OR3A2: variants seen among roughly 807,000 people sequenced by gnomAD.
OR3A2 encodes the protein olfactory receptor 3A2.
For missense variants in OR3A2, 318 were observed against 392.8 expected (o/e 0.81, Z 1.61); for synonymous variants, 126 against 159.3 (o/e 0.79, Z 1.57).
intron 3 of OR3A2, chr17:3,310,552 T>C (rs976736632): frequency 3.7e-6 from 2 of 536,202 alleles, no homozygotes; most frequent in Non-Finnish European, 7.7e-6. Flanking sequence ...AGTGTCACTG[T>C]CCCTGCCATG....
intron 1 of OR3A2, among the ~76,000 whole-genome samples, chr17:3,279,427 C>G (rs2048764227): frequency 6.6e-6 from 1 of 152,204 alleles, no homozygotes; most frequent in African/African-American, 2.4e-5. Flanking sequence ...TTTCCTATTG[C>G]TCTCTGAGGG....
At chr17:3,291,489 A>C (rs2048866145) in intron 3 of OR3A2, 1 of 619,370 alleles carries the variant, frequency 1.6e-6, no homozygotes, top group Admixed American at 3.0e-5. Flanking sequence ...CTGCTTTCAG[A>C]AATGAAAACT....
intron 2 of OR3A2, among the ~76,000 whole-genome samples, chr17:3,372,229 G>A (rs1006747147): frequency 1.5e-4 from 23 of 149,314 alleles, no homozygotes; most frequent in African/African-American, 4.5e-4. Flanking sequence ...GACGATGGGC[G>A]GCCGGGCAGA....
At chr17:3,372,268 C>A (rs1331216556) in intron 2 of OR3A2, among the ~76,000 whole-genome samples, 2 of 148,746 alleles carry the variant, frequency 1.3e-5, no homozygotes, top group East Asian at 2.2e-4. Context: ...GATGGGATGG[C>A]GGCCGGGAAG....
At chr17:3,313,928 T>C (rs2049061857) in intron 3 of OR3A2, among the ~76,000 whole-genome samples, 1 of 152,208 alleles carries the variant, frequency 6.6e-6, no homozygotes, top group Admixed American at 6.5e-5. Flanking sequence ...GTCTTCCACA[T>C]AGGAAGTCAG....
intron 3 of OR3A2, among the ~76,000 whole-genome samples, chr17:3,313,245 G>A (rs1005368539): frequency 7.2e-5 from 11 of 152,204 alleles, no homozygotes; most frequent in Non-Finnish European, 1.6e-4. Flanking sequence ...TGTCCGACAT[G>A]CTTATTATTT....
At chr17:3,380,815 T>C (rs780723321) in intron 2 of OR3A2, among the ~76,000 whole-genome samples, 2 of 152,086 alleles carry the variant, frequency 1.3e-5, no homozygotes, top group Non-Finnish European at 2.9e-5. Flanking sequence ...CACTGATGGT[T>C]TCCCTGTTTA....
chr17:3,293,995 T>C (rs2048899101), intron 3 of OR3A2, among the ~76,000 whole-genome samples: 1 of 152,032 alleles, frequency 6.6e-6, no homozygotes, highest in Non-Finnish European at 1.5e-5. Flanking sequence ...GGAAAAGAGC[T>C]AATGCATGCT....
chr17:3,310,239 A>G (rs2049029663), intron 3 of OR3A2: 1 of 469,428 alleles, frequency 2.1e-6, no homozygotes, highest in Non-Finnish European at 4.4e-6. Flanking sequence ...ATTGTTATCA[A>G]CACCTCATCC....
chr17:3,279,811 C>T (rs886204589), intron 1 of OR3A2, among the ~76,000 whole-genome samples: 2 of 150,986 alleles, frequency 1.3e-5, no homozygotes, highest in African/African-American at 4.8e-5. Context: ...CAAAACAAAA[C>T]AAAAACACCT....
Position 3,306,569 on chromosome 17 carries a change from T to G in OR3A2, c.-84-27416A>C, listed in dbSNP as rs376684904. On this transcript the variant is annotated intron_variant, in intron 3 of 4. Transcript: ENST00000573491. ...GAGTGTTTGTGGGGGGTGGGGTCCC[T>G]TTCTACTGAAAAGCTTGCCATAGTG... Among the ~76,000 whole-genome samples, 47 of 152,114 alleles carry G rather than the reference T, an allele frequency of 3.1e-4. No homozygotes were observed. The East Asian group carries it at 7.5e-3, about 24-fold the overall frequency.
chr17:3,364,671 C>A (rs2049548151), intron 2 of OR3A2, among the ~76,000 whole-genome samples: 1 of 152,144 alleles, frequency 6.6e-6, no homozygotes, highest in South Asian at 2.1e-4. Flanking sequence ...GAAATATAAA[C>A]CAGTACAGCC....
chr17:3,353,635 C>G (rs1389880190), intron 2 of OR3A2, among the ~76,000 whole-genome samples: 2 of 151,662 alleles, frequency 1.3e-5, no homozygotes, highest in African/African-American at 2.4e-5. Context: ...ATATGGCATT[C>G]TGTTGATATG....
chr17:3,316,978 C>T (rs2049086412), intron 3 of OR3A2, among the ~76,000 whole-genome samples: 1 of 152,150 alleles, frequency 6.6e-6, no homozygotes, highest in African/African-American at 2.4e-5. Context: ...GTATCTCAGG[C>T]TTTTTTCACT....
At position 3,379,899 on chromosome 17, in the gene OR3A2, C is replaced by T. The variant is rs373989915; in HGVS notation, c.-179+3905G>A. Among the ~76,000 whole-genome samples, 180 of 152,274 alleles carry T rather than the reference C, an allele frequency of 1.2e-3. 1 individual carries two copies. The highest frequency in any genetic ancestry group is 4.2e-3 in the African/African-American group (174 of 41,562). ...CTCAGTTCTGGCTTCCCACACACCT[C>T]GATGCCCCCTCTCCTACTCAGTTCT... On this transcript the variant is annotated intron_variant, in intron 2 of 4. Coordinates refer to the OR3A2 transcript ENST00000573491.
chr17:3,347,880 AT>A (rs2049381437), intron 2 of OR3A2, among the ~76,000 whole-genome samples: 1 of 152,076 alleles, frequency 6.6e-6, no homozygotes, highest in Non-Finnish European at 1.5e-5. Flanking sequence ...AAGTGTTCCT[AT>A]TTCTCCACAT....
At chr17:3,361,445 C>T (rs566445686) in intron 2 of OR3A2, among the ~76,000 whole-genome samples, 4 of 151,756 alleles carry the variant, frequency 2.6e-5, no homozygotes, top group African/African-American at 9.7e-5. Context: ...GAACTTCCAA[C>T]ACTATGTTGA....
At position 3,278,910 on chromosome 17, in the gene OR3A2, G is replaced by A. The variant is rs201516988; in HGVS notation, c.8C>T (p.Pro3Leu). Residue 3 changes from proline to leucine, a missense_variant, in exon 2 of 2, where the codon CCA becomes CTA. Coordinates refer to ENST00000642052, the Ensembl canonical transcript of OR3A2. ...AGCGGTCCTATTGGTCCCAGCTTCT[G>A]GCTCCATGAGTTTCTGTAAGGACAT... 817 of 1,523,326 alleles carry A rather than the reference G, an allele frequency of 5.4e-4. 10 individuals are homozygous for A. In the Admixed American group the frequency reaches 0.018, roughly 33 times the overall value. The allele number at this position is 1,523,326 out of a possible 1,614,324, so 94.4% of individuals were successfully genotyped here. A position where few individuals can be genotyped will look rare whatever the true frequency, so the allele number is the denominator to read the frequency against.
upstream of OR3A2, among the ~76,000 whole-genome samples, chr17:3,288,807 T>C (rs2048838283): frequency 6.6e-6 from 1 of 152,196 alleles, no homozygotes; most frequent in Admixed American, 6.5e-5. Context: ...CACGTACTTA[T>C]ACACAAACAC....
Sources: gnomAD v4.1 joint callset for allele counts (sites outside exome capture counted in the v4.1 genomes callset) on GRCh38, gnomAD v4.1.1 for gene constraint, MANE v1.5 for transcripts, NCBI Gene and HGNC (gene_info 2026-07-23, HGNC 2026-07-21) for gene names.